PRKG1: variants seen among roughly 807,000 people sequenced by gnomAD.
PRKG1 encodes cGMP-dependent protein kinase 1.
Under a neutral mutation model 88.1 loss-of-function variants are expected in PRKG1, and 35 were observed. The observed-to-expected ratio is 0.40, with a 90% CI of 0.30 to 0.53. The LOEUF is 0.53. Ranked by LOEUF, PRKG1 falls within the 20% of genes least tolerant of loss-of-function variation. The pLI is 0.59. For missense variants in PRKG1, 540 were observed against 839.8 expected (o/e 0.64, Z 4.41); for synonymous variants, 303 against 292.5 (o/e 1.04, Z -0.37).
intron 3 of PRKG1, among the ~76,000 whole-genome samples, chr10:51,792,556 A>C (rs1269813193): frequency 6.6e-6 from 1 of 152,196 alleles, no homozygotes; most frequent in Non-Finnish European, 1.5e-5. Flanking sequence ...CAAGGAGTGC[A>C]AGGAGAAAGA....
chr10:51,723,646 G>T (rs1451387330), intron 3 of PRKG1, among the ~76,000 whole-genome samples: 2 of 151,444 alleles, frequency 1.3e-5, no homozygotes, highest in Non-Finnish European at 2.9e-5. Flanking sequence ...ATCTGATGGT[G>T]CCAGTCAATC....
chr10:51,497,371 G>A (rs908098693), intron 3 of PRKG1, among the ~76,000 whole-genome samples: 1 of 152,016 alleles, frequency 6.6e-6, no homozygotes, highest in African/African-American at 2.4e-5. Context: ...TATGTTTCAA[G>A]CACTGCATGA....
rs1222620821 is a variant in PRKG1, at chr10:52,278,629, TA to T, written c.1404-2154del. On this transcript the variant is annotated intron_variant, in intron 12 of 17. Transcript: ENST00000373980. ...TACACCATGGAATACTATGCAGCCA[TA>T]AAAAAGAATGAGTTTGGCTGGGCAT... Among the ~76,000 whole-genome samples, 3 of 152,048 alleles carry T rather than the reference TA, an allele frequency of 2.0e-5. No homozygotes were observed. The East Asian group carries it at 5.8e-4, about 29-fold the overall frequency.
At chr10:52,075,072 C>G (rs1589582755) in intron 7 of PRKG1, among the ~76,000 whole-genome samples, 1 of 152,148 alleles carries the variant, frequency 6.6e-6, no homozygotes, top group South Asian at 2.1e-4. Flanking sequence ...AGTCCACTAA[C>G]TTTTCCTGGG....
chr10:51,699,804 C>T (rs1841416497), intron 3 of PRKG1, among the ~76,000 whole-genome samples: 1 of 152,222 alleles, frequency 6.6e-6, no homozygotes, highest in Non-Finnish European at 1.5e-5. Context: ...TTTCACGTTC[C>T]GCTGACTTTC....
intron 9 of PRKG1, among the ~76,000 whole-genome samples, chr10:52,214,531 A>G (rs1010655905): frequency 6.6e-6 from 1 of 152,232 alleles, no homozygotes; most frequent in Non-Finnish European, 1.5e-5. Flanking sequence ...ATGTATGTAT[A>G]GCACTTTGTG....
intron 4 of PRKG1, among the ~76,000 whole-genome samples, chr10:51,816,442 C>T (rs1839587477): frequency 6.6e-6 from 1 of 151,692 alleles, no homozygotes; most frequent in East Asian, 1.9e-4. Context: ...TGAATATGTG[C>T]AAAAATCATT....
chr10:51,979,893 A>G (rs1395292726), intron 5 of PRKG1, among the ~76,000 whole-genome samples: 1 of 151,722 alleles, frequency 6.6e-6, no homozygotes, highest in African/African-American at 2.4e-5. Flanking sequence ...GTTTTTTATT[A>G]GTCTAGCTAG....
chr10:51,828,069 T>A (rs1564664172), intron 4 of PRKG1, among the ~76,000 whole-genome samples: 1 of 152,262 alleles, frequency 6.6e-6, no homozygotes, highest in East Asian at 1.9e-4. Flanking sequence ...TTTACTCTTA[T>A]ACTGAAAAAT....
intron 4 of PRKG1, among the ~76,000 whole-genome samples, chr10:51,811,642 A>G (rs1215902852): frequency 1.3e-5 from 2 of 152,170 alleles, no homozygotes; most frequent in East Asian, 1.9e-4. Context: ...AAATTTTACT[A>G]TCCCAGAATA....
At chr10:51,578,980 GTTTTTTTTTTTTTTTT>G (rs752412264) in intron 3 of PRKG1, among the ~76,000 whole-genome samples, 11 of 77,828 alleles carry the variant, frequency 1.4e-4, no homozygotes, top group Non-Finnish European at 2.3e-4. Flanking sequence ...AGTTCTGTTG[GTTTTTTTTTTTTTTTT>G]TTTTTTTTTT....
rs907228951 is a variant in PRKG1, at chr10:51,185,990, AT to A, written c.478+32661del. On this transcript the variant is annotated intron_variant, in intron 2 of 17. Transcript: ENST00000373980. ...AATGAAAAGTGATTTTTAAAAAAAA[AT>A]GTTATAGAACATGATCTAGTGTCAT... Among the ~76,000 whole-genome samples, 58 of 152,034 alleles carry A rather than the reference AT, an allele frequency of 3.8e-4. 1 individual carries two copies. Among genetic ancestry groups the A allele is most frequent in the Admixed American group, 2.0e-3 (30 of 15,266 alleles).
chr10:51,709,999 A>G (rs1841704659), intron 3 of PRKG1, among the ~76,000 whole-genome samples: 1 of 152,224 alleles, frequency 6.6e-6, no homozygotes, highest in Non-Finnish European at 1.5e-5. Flanking sequence ...ATATATCAGC[A>G]TGTATTTTAT....
At chr10:51,917,273 C>G (rs191088271) in intron 5 of PRKG1, among the ~76,000 whole-genome samples, 5 of 147,166 alleles carry the variant, frequency 3.4e-5, no homozygotes, top group African/African-American at 1.3e-4. Flanking sequence ...GGGCCAAGAT[C>G]GTGCCACTGC....
chr10:52,121,186 T>A (rs191945282), intron 7 of PRKG1, among the ~76,000 whole-genome samples: 15 of 152,232 alleles, frequency 9.9e-5, no homozygotes, highest in African/African-American at 3.6e-4. Context: ...CAACAAATCA[T>A]GAGGCCTTTA....
intron 2 of PRKG1, among the ~76,000 whole-genome samples, chr10:51,440,467 A>C (rs1380495486): frequency 6.6e-6 from 1 of 151,908 alleles, no homozygotes; most frequent in African/African-American, 2.4e-5. Flanking sequence ...TTGTCTTGGG[A>C]ACTATTAAAA....
chr10:51,732,248 C>T (rs185859070), intron 3 of PRKG1, among the ~76,000 whole-genome samples: 7 of 152,164 alleles, frequency 4.6e-5, no homozygotes, highest in Non-Finnish European at 1.0e-4. Flanking sequence ...CTTATAAAGA[C>T]ATCAATCAAG....
intron 5 of PRKG1, among the ~76,000 whole-genome samples, chr10:51,945,214 C>G (rs966777157): frequency 6.8e-6 from 1 of 147,718 alleles, no homozygotes; most frequent in Non-Finnish European, 1.5e-5. Flanking sequence ...ATGTAATGGC[C>G]TTCTTTGTCT....
At chr10:51,234,380 G>A (rs924348956) in intron 2 of PRKG1, among the ~76,000 whole-genome samples, 9 of 152,118 alleles carry the variant, frequency 5.9e-5, no homozygotes, top group African/African-American at 9.7e-5. Flanking sequence ...CTGCTGCTTC[G>A]TTGTAAGGAG....
Sources: gnomAD v4.1 joint callset for allele counts (sites outside exome capture counted in the v4.1 genomes callset) on GRCh38, gnomAD v4.1.1 for gene constraint, MANE v1.5 for transcripts, NCBI Gene and HGNC (gene_info 2026-07-23, HGNC 2026-07-21) for gene names.